The following RFX3 variants were observed in gnomAD, a reference collection of about 807,000 sequenced individuals.
The protein encoded by RFX3 is transcription factor RFX3.
Under a neutral mutation model 98.6 loss-of-function variants are expected in RFX3, and 14 were observed. The ratio of observed to expected loss-of-function variants is 0.14; its 90% CI spans 0.09 to 0.22. The LOEUF (loss-of-function observed/expected upper bound fraction) is 0.22, where lower values mean the gene tolerates loss of function less well. RFX3 is among the 10% of genes least tolerant of loss of function. The pLI, the probability that RFX3 is intolerant of heterozygous loss-of-function variation, is 1.00. For missense variants in RFX3, 639 were observed against 926.9 expected (o/e 0.69, Z 4.03); for synonymous variants, 383 against 328.4 (o/e 1.17, Z -1.80).
At chr9:3,365,741 C>T (rs1301976940) in intron 2 of RFX3, among the ~76,000 whole-genome samples, 1 of 151,998 alleles carries the variant, frequency 6.6e-6, no homozygotes, top group Non-Finnish European at 1.5e-5. Context: ...GCAACTGCAT[C>T]CTTTATGCTC....
intron 4 of RFX3, among the ~76,000 whole-genome samples, chr9:3,313,557 G>A (rs1034346305): frequency 6.6e-6 from 1 of 151,790 alleles, no homozygotes; most frequent in Non-Finnish European, 1.5e-5. Flanking sequence ...CAGACGATCG[G>A]CAATAACAAA....
intron 9 of RFX3, among the ~76,000 whole-genome samples, chr9:3,274,556 A>T (rs1209745367): frequency 6.6e-6 from 1 of 152,166 alleles, no homozygotes; most frequent in Non-Finnish European, 1.5e-5. Flanking sequence ...ACTCAGAACG[A>T]GAGTAGGAGT....
chr9:3,255,351 A>G (rs2131083923), intron 14 of RFX3, among the ~76,000 whole-genome samples: 1 of 152,286 alleles, frequency 6.6e-6, no homozygotes, highest in Non-Finnish European at 1.5e-5. Context: ...TCTATTACTC[A>G]TTCATAGTCT....
chr9:3,516,656 GA>G (rs1818201679), intron 1 of RFX3, among the ~76,000 whole-genome samples: 1 of 152,176 alleles, frequency 6.6e-6, no homozygotes, highest in African/African-American at 2.4e-5. Flanking sequence ...TCTTAAAAAT[GA>G]GATCAACAGA....
chr9:3,503,192 G>A (rs192475879), intron 1 of RFX3, among the ~76,000 whole-genome samples: 1 of 152,104 alleles, frequency 6.6e-6, no homozygotes, highest in Non-Finnish European at 1.5e-5. Flanking sequence ...TGTGTGCACA[G>A]CTGACTCACT....
At chr9:3,385,523 C>A (rs1839614977) in intron 2 of RFX3, among the ~76,000 whole-genome samples, 1 of 151,878 alleles carries the variant, frequency 6.6e-6, no homozygotes, top group Non-Finnish European at 1.5e-5. Flanking sequence ...GCCTGGCCAA[C>A]ATGGTGAAAC....
chr9:3,320,828 G>C (rs567765961), intron 4 of RFX3, among the ~76,000 whole-genome samples: 1 of 136,916 alleles, frequency 7.3e-6, no homozygotes, highest in African/African-American at 2.7e-5. Context: ...TTATCTAGGG[G>C]CTACATGTAA....
chr9:3,330,631 G>T, intron 3 of RFX3, 114 bp from the exon 4 acceptor site: 1 of 918,680 alleles, frequency 1.1e-6, no homozygotes, highest in East Asian at 2.7e-5. Context: ...TTGCAACATG[G>T]CAAGTTTCGC....
chr9:3,373,529 G>A (rs1838091293), intron 2 of RFX3, among the ~76,000 whole-genome samples: 1 of 152,074 alleles, frequency 6.6e-6, no homozygotes, highest in Non-Finnish European at 1.5e-5. Context: ...TCATTTCCCT[G>A]GGCCTCAGTT....
chr9:3,396,137 C>T (rs1287356275), intron 1 of RFX3, among the ~76,000 whole-genome samples: 1 of 151,902 alleles, frequency 6.6e-6, no homozygotes, highest in East Asian at 1.9e-4. Flanking sequence ...GTGCTATACC[C>T]ATTAACTCGT....
chr9:3,297,970 A>G (rs1208633833), intron 5 of RFX3, among the ~76,000 whole-genome samples: 44 of 152,072 alleles, frequency 2.9e-4, no homozygotes, highest in Non-Finnish European at 1.8e-4. Flanking sequence ...CATATTAATT[A>G]ACACCAAGAA....
intron 14 of RFX3, among the ~76,000 whole-genome samples, chr9:3,253,544 C>T (rs982904398): frequency 5.0e-5 from 1 of 20,200 alleles, no homozygotes; most frequent in Non-Finnish European, 1.7e-4. Context: ...CCAAGAAAGG[C>T]AGTGATTTTT....
intron 15 of RFX3, among the ~76,000 whole-genome samples, chr9:3,244,169 AT>A (rs1269102014): frequency 1.3e-5 from 2 of 150,708 alleles, no homozygotes; most frequent in Non-Finnish European, 3.0e-5. Context: ...CGCCCGCCTA[AT>A]TTTTTTTGTA....
chr9:3,463,951 T>C (rs964090216), intron 1 of RFX3, among the ~76,000 whole-genome samples: 2 of 151,930 alleles, frequency 1.3e-5, no homozygotes, highest in African/African-American at 2.4e-5. Flanking sequence ...CCTGCCTTCA[T>C]AAATAAAAAT....
chr9:3,406,266 C>T (rs1452705043), intron 1 of RFX3, among the ~76,000 whole-genome samples: 1 of 151,884 alleles, frequency 6.6e-6, no homozygotes, highest in African/African-American at 2.4e-5. Flanking sequence ...TCGGCCAACC[C>T]TGGGGACATT....
In RFX3 at chr9:3,275,558, T is replaced by C. The variant is rs753950808; in HGVS notation, c.1028A>G (p.Asp343Gly). The change falls in exon 9 of 17, where the codon GAT (aspartate) becomes GGT (glycine). Residue 343 changes from aspartate to glycine, a missense_variant. By Grantham distance (94) the Asp-to-Gly change is moderately conservative. Around this residue, in one of 9 missense-constraint regions of RFX3, gnomAD observed 86 missense variants for 113.2 expected, o/e 0.76. Coordinates refer to ENST00000617270, the MANE Select transcript of RFX3 (RefSeq NM_001282116.2). ...CTTGATATCCTCAAAGGTAGTACCA[T>C]CTGGCAGAGAAGAGATTTCAACTTC... ...FGEVEISSLP[D>G]GTTFEDIKSL... The C allele has an allele frequency of 6.2e-7, 1 of 1,612,942 alleles. No individual in the cohort carries two copies. The highest frequency in any genetic ancestry group is 8.5e-7 in the Non-Finnish European group (1 of 1,179,134).
At chr9:3,444,104 T>A (rs1431519172) in intron 1 of RFX3, among the ~76,000 whole-genome samples, 3 of 152,210 alleles carry the variant, frequency 2.0e-5, no homozygotes, top group Non-Finnish European at 4.4e-5. Flanking sequence ...TCCAAAATCA[T>A]GTACATCGAT....
At chr9:3,415,246 G>T in intron 1 of RFX3, among the ~76,000 whole-genome samples, 1 of 141,768 alleles carries the variant, frequency 7.1e-6, no homozygotes, top group South Asian at 2.2e-4. Flanking sequence ...TTGGGATCTT[G>T]CTCTGTTGCC....
At chr9:3,435,791 C>T (rs2132609425) in intron 1 of RFX3, among the ~76,000 whole-genome samples, 1 of 129,662 alleles carries the variant, frequency 7.7e-6, no homozygotes, top group East Asian at 2.2e-4. Context: ...ACTTAAGAAG[C>T]ATCTGCATTG....
Sources: gnomAD v4.1 joint callset for allele counts (sites outside exome capture counted in the v4.1 genomes callset) on GRCh38, gnomAD v4.1.1 for gene constraint, gnomAD v4.1.1 regional missense constraint, MANE v1.5 for transcripts, NCBI Gene and HGNC (gene_info 2026-07-23, HGNC 2026-07-21) for gene names.